ADGRL3: variants seen among roughly 807,000 people sequenced by gnomAD.
The protein encoded by ADGRL3 is calcium-independent alpha-latrotoxin receptor 3.
A neutral mutation model predicts 153.5 loss-of-function variants in ADGRL3; 62 were observed. That is an observed-to-expected ratio of 0.40 (90% confidence interval 0.33 to 0.50). The LOEUF is 0.50. Among genes scored for constraint, ADGRL3 ranks in the 20% least tolerant of loss-of-function variants. The probability of loss-of-function intolerance (pLI) is 0.47; values close to 1 mark genes in which losing one functional copy is unlikely to be tolerated. For missense variants in ADGRL3, 1,641 were observed against 1,859.4 expected (o/e 0.88, Z 2.16); for synonymous variants, 710 against 672.5 (o/e 1.06, Z -0.86).
Position 61,747,655 on chromosome 4 carries a change from C to T in ADGRL3, c.1399+14101C>T, listed in dbSNP as rs2096685746. Among the ~76,000 whole-genome samples, 3 of 145,022 alleles carry T rather than the reference C, an allele frequency of 2.1e-5. No individual in the cohort carries two copies. In the South Asian group the frequency reaches 6.7e-4, roughly 32 times the overall value. On this transcript the variant is annotated intron_variant, in intron 8 of 26. Coordinates refer to ENST00000683033, the MANE Select transcript of ADGRL3 (RefSeq NM_001387552.1). ...AGAAAAGGCCTTTGACAAAATTCAA[C>T]AACCCTTCATGCTAAAAACTCTCAA... is the stretch of plus-strand genomic sequence containing the variant.
intron 5 of ADGRL3, among the ~76,000 whole-genome samples, chr4:61,596,682 G>A (rs907580328): frequency 6.6e-5 from 10 of 151,982 alleles, no homozygotes; most frequent in Non-Finnish European, 1.3e-4. Context: ...GTGAGACCTC[G>A]TCTCTACCAA....
intron 21 of ADGRL3, among the ~76,000 whole-genome samples, chr4:62,005,770 C>T (rs911437640): frequency 6.6e-6 from 1 of 151,302 alleles, no homozygotes; most frequent in East Asian, 1.9e-4. Flanking sequence ...AGAATAGTTA[C>T]AATAATTAAC....
At chr4:61,663,459 C>T (rs1051382566) in intron 5 of ADGRL3, among the ~76,000 whole-genome samples, 27 of 152,344 alleles carry the variant, frequency 1.8e-4, no homozygotes, top group South Asian at 6.2e-4. Context: ...CCTACCCCAC[C>T]GCAGCCGGTG....
intron 1 of ADGRL3, among the ~76,000 whole-genome samples, chr4:61,303,498 G>C (rs2094654310): frequency 6.6e-6 from 1 of 151,846 alleles, no homozygotes; most frequent in Non-Finnish European, 1.5e-5. Flanking sequence ...ATATTAAATG[G>C]CCTTTAAAAA....
intron 1 of ADGRL3, among the ~76,000 whole-genome samples, chr4:61,238,595 C>A (rs1438811893): frequency 2.0e-5 from 3 of 151,834 alleles, no homozygotes; most frequent in African/African-American, 7.3e-5. Flanking sequence ...ATTGATGAGC[C>A]CCAATTACAG....
chr4:61,671,478 T>C (rs143769653), intron 5 of ADGRL3, among the ~76,000 whole-genome samples: 32 of 152,288 alleles, frequency 2.1e-4, no homozygotes, highest in African/African-American at 7.7e-4. Flanking sequence ...ACCTGATCAA[T>C]AGGTGACAGT....
At chr4:61,361,362 A>C (rs367980163) in intron 1 of ADGRL3, among the ~76,000 whole-genome samples, 1 of 152,206 alleles carries the variant, frequency 6.6e-6, no homozygotes, top group Non-Finnish European at 1.5e-5. Flanking sequence ...TTTGTCTCAG[A>C]TTGCATGACT....
chr4:61,709,639 G>C (rs913893930), intron 6 of ADGRL3, among the ~76,000 whole-genome samples: 9 of 152,148 alleles, frequency 5.9e-5, no homozygotes, highest in Non-Finnish European at 1.2e-4. Flanking sequence ...GATTGAATTT[G>C]TGACTAATTA....
intron 1 of ADGRL3, among the ~76,000 whole-genome samples, chr4:61,348,581 T>C (rs1188528251): frequency 2.0e-5 from 3 of 152,138 alleles, no homozygotes; most frequent in South Asian, 2.1e-4. Context: ...AATTCTCAAA[T>C]TAAATTTTTA....
intron 24 of ADGRL3, among the ~76,000 whole-genome samples, chr4:62,043,380 C>T (rs1429810024): frequency 1.3e-5 from 2 of 151,914 alleles, no homozygotes; most frequent in Non-Finnish European, 2.9e-5. Context: ...CCAACATTGT[C>T]CTTTCGTTTA....
intron 4 of ADGRL3, among the ~76,000 whole-genome samples, chr4:61,565,126 T>A (rs558484691): frequency 6.6e-6 from 1 of 152,292 alleles, no homozygotes; most frequent in Non-Finnish European, 1.5e-5. Flanking sequence ...ACTTGCTGAA[T>A]GCAGGATTGC....
chr4:61,775,911 A>ATTTT lies in ADGRL3; in HGVS notation c.1400-37894_1400-37891dup, dbSNP rs950649155. 1.4e-3 allele frequency: 311 copies of ATTTT among 214,736 alleles called. 14 individuals are homozygous for ATTTT. Among genetic ancestry groups the ATTTT allele is most frequent in the African/African-American group, 6.5e-3 (276 of 42,354 alleles). 13.3% of individuals were successfully genotyped at this position (214,736 alleles called of 1,614,324 possible). A position where few individuals can be genotyped will look rare whatever the true frequency, so the allele number is the denominator to read the frequency against. On this transcript the variant is annotated intron_variant, in intron 8 of 26. Coordinates refer to ENST00000683033, the MANE Select transcript of ADGRL3 (RefSeq NM_001387552.1). ...TATTTATTTATTTATTTATTTATTT[A>ATTTT]TTTTTTTGAGACGGAGTCTCACTCT...
intron 17 of ADGRL3, among the ~76,000 whole-genome samples, chr4:61,964,220 AT>A (rs1392665781): frequency 2.0e-5 from 3 of 152,094 alleles, no homozygotes; most frequent in Non-Finnish European, 4.4e-5. Flanking sequence ...GACTAACACA[AT>A]TTTTTCTAAC....
At chr4:61,420,272 G>A (rs1170987647) in intron 2 of ADGRL3, 1 of 151,754 alleles carries the variant, frequency 6.6e-6, no homozygotes, top group South Asian at 2.1e-4. Context: ...CTATATGATG[G>A]TAGATTCGAT....
chr4:61,653,731 T>C (rs2150429277), intron 5 of ADGRL3, among the ~76,000 whole-genome samples: 1 of 152,292 alleles, frequency 6.6e-6, no homozygotes, highest in Non-Finnish European at 1.5e-5. Context: ...CAAACTTTTT[T>C]CCATTGTTTT....
At chr4:61,626,196 GATTAA>G (rs2092820205) in intron 5 of ADGRL3, among the ~76,000 whole-genome samples, 1 of 151,910 alleles carries the variant, frequency 6.6e-6, no homozygotes, top group Non-Finnish European at 1.5e-5. Flanking sequence ...CCTGTATAGT[GATTAA>G]ATTAATGTTT....
intron 13 of ADGRL3, among the ~76,000 whole-genome samples, chr4:61,922,532 C>G (rs1304715593): frequency 6.6e-6 from 1 of 152,052 alleles, no homozygotes; most frequent in Non-Finnish European, 1.5e-5. Context: ...TATCTATGTC[C>G]TTTTCTGTTT....
At chr4:61,310,361 C>G (rs948831901) in intron 1 of ADGRL3, among the ~76,000 whole-genome samples, 2 of 151,968 alleles carry the variant, frequency 1.3e-5, no homozygotes, top group African/African-American at 4.8e-5. Context: ...TGATTTCTGA[C>G]AGATGCACTG....
intron 25 of ADGRL3, among the ~76,000 whole-genome samples, chr4:62,048,423 C>T (rs1052470133): frequency 6.6e-6 from 1 of 151,768 alleles, no homozygotes; most frequent in Admixed American, 6.6e-5. Flanking sequence ...CCACCACACC[C>T]GGCTAATTTT....
Sources: allele counts gnomAD v4.1 joint callset (sites outside exome capture counted in the v4.1 genomes callset), GRCh38; gene constraint gnomAD v4.1.1; transcripts MANE v1.5; gene names NCBI Gene and HGNC (gene_info 2026-07-23, HGNC 2026-07-21).